Variants in SNX30 observed in about 807,000 individuals in gnomAD.
SNX30 encodes the protein sorting nexin-30.
Under a neutral mutation model 46.4 loss-of-function variants are expected in SNX30, and 24 were observed. The observed-to-expected ratio is 0.52, with a 90% CI of 0.37 to 0.73. The LOEUF (loss-of-function observed/expected upper bound fraction) is 0.73, where lower values mean the gene tolerates loss of function less well. Among genes scored for constraint, SNX30 ranks in the 30% least tolerant of loss-of-function variants. The pLI is 0.00. For missense variants in SNX30, 533 were observed against 555.7 expected (o/e 0.96, Z 0.41); for synonymous variants, 189 against 211.5 (o/e 0.89, Z 0.92).
intron 3 of SNX30, among the ~76,000 whole-genome samples, chr9:112,826,295 G>A (rs535941684): frequency 6.6e-6 from 1 of 152,298 alleles, no homozygotes; most frequent in African/African-American, 2.4e-5. Context: ...ACTGAAGGCA[G>A]TATCACAGCT....
chr9:112,805,827 T>C (rs1840216990), intron 2 of SNX30, among the ~76,000 whole-genome samples: 1 of 152,138 alleles, frequency 6.6e-6, no homozygotes. Context: ...GATGAAGAAA[T>C]AGAGGTGGAA....
chr9:112,777,481 C>T (rs968978194), intron 1 of SNX30, among the ~76,000 whole-genome samples: 15 of 151,850 alleles, frequency 9.9e-5, no homozygotes, highest in African/African-American at 2.2e-4. Flanking sequence ...GGCTGGAGTG[C>T]AGTGGTGCAG....
intron 1 of SNX30, among the ~76,000 whole-genome samples, chr9:112,775,877 AGC>A (rs887492370): frequency 1.5e-4 from 23 of 149,808 alleles, no homozygotes; most frequent in African/African-American, 5.7e-4. Context: ...GTTCCATATT[AGC>A]ACATAGAGAT....
chr9:112,838,096 T>G (rs1259508625), intron 5 of SNX30, among the ~76,000 whole-genome samples: 2 of 151,554 alleles, frequency 1.3e-5, no homozygotes, highest in Non-Finnish European at 2.9e-5. Context: ...TTTCACTGTG[T>G]TAGCAGGATG....
upstream of SNX30, among the ~76,000 whole-genome samples, chr9:112,750,646 C>T (rs1484752619): frequency 1.2e-4 from 18 of 151,796 alleles, no homozygotes; most frequent in Non-Finnish European, 7.4e-5. Context: ...CTCCCTCCGT[C>T]CTTCCTTCCC....
Position 112,758,701 on chromosome 9 carries a change from G to A in SNX30, c.156+7544G>A, listed in dbSNP as rs141529507. 1.2e-3 allele frequency among the ~76,000 whole-genome samples: 179 copies of A among 152,286 alleles called. 1 individual carries two copies. Among genetic ancestry groups the A allele is most frequent in the African/African-American group, 4.0e-3 (168 of 41,548 alleles). ...GTGAGCCACCATGCCTGGCCAAGTT[G>A]CTCTGATTTTTAAAACACAGAAAGA... On this transcript the variant is annotated intron_variant, in intron 1 of 8. Transcript: ENST00000374232.
exon 5 of SNX30, chr9:112,880,142 C>T (rs1411727427): frequency 9.8e-6 from 2 of 203,124 alleles, no homozygotes. Context: ...ACCAGCCTGG[C>T]CAACCTGGTG....
At chr9:112,765,865 G>A (rs529919981) in intron 1 of SNX30, among the ~76,000 whole-genome samples, 9 of 152,078 alleles carry the variant, frequency 5.9e-5, no homozygotes, top group Admixed American at 2.0e-4. Flanking sequence ...GTGCAGTGGC[G>A]CGATCTCAGC....
chr9:112,777,970 C>T (rs1470855396), intron 1 of SNX30, among the ~76,000 whole-genome samples: 3 of 152,024 alleles, frequency 2.0e-5, no homozygotes, highest in African/African-American at 7.3e-5. Flanking sequence ...GGTTGACTAC[C>T]CTCAAGTATG....
intron 1 of SNX30, among the ~76,000 whole-genome samples, chr9:112,779,398 A>G (rs1162215063): frequency 6.6e-6 from 1 of 152,106 alleles, no homozygotes; most frequent in African/African-American, 2.4e-5. Context: ...GTGAACACAT[A>G]GAAGAGGGTT....
chr9:112,824,268 A>G (rs1272816177), intron 3 of SNX30, among the ~76,000 whole-genome samples: 1 of 152,236 alleles, frequency 6.6e-6, no homozygotes, highest in Non-Finnish European at 1.5e-5. Flanking sequence ...AGTACTATCT[A>G]ATATCAGTAT....
chr9:112,823,456 G>A (rs1354582475), intron 3 of SNX30, among the ~76,000 whole-genome samples: 1 of 152,174 alleles, frequency 6.6e-6, no homozygotes, highest in Non-Finnish European at 1.5e-5. Flanking sequence ...TTGTTCAGTG[G>A]GTTTGACACT....
At chr9:112,832,451 AGAGAGAGAGTGTGTGT>A (rs1353100846) in intron 4 of SNX30, among the ~76,000 whole-genome samples, 4,349 of 129,918 alleles carry the variant, frequency 0.033, 245 homozygotes, top group African/African-American at 0.12. Flanking sequence ...AGAGAGAGAG[AGAGAGAGAGTGTGTGT>A]GTGTGTGTGT....
At chr9:112,819,699 G>A (rs1042249419) in intron 3 of SNX30, among the ~76,000 whole-genome samples, 1 of 152,146 alleles carries the variant, frequency 6.6e-6, no homozygotes, top group Non-Finnish European at 1.5e-5. Flanking sequence ...TGACTGTTTT[G>A]AGGAGTACTA....
chr9:112,817,662 G>A lies in SNX30; in HGVS notation c.349-43G>A, dbSNP rs369797315. On this transcript the variant is annotated intron_variant, in intron 2 of 8. Coordinates refer to ENST00000374232, the MANE Select transcript of SNX30 (RefSeq NM_001012994.2). The stretch of plus-strand genomic sequence containing the variant: ...TTTTCCTTCCCTTCAGCCAAGATAT[G>A]CTATTCCCTTATGCTTATTTTTTTC... 4.1e-4 allele frequency: 471 copies of A among 1,154,846 alleles called. 2 individuals are homozygous for A. In the African/African-American group the frequency reaches 5.7e-3, roughly 14 times the overall value. 71.5% of individuals were successfully genotyped at this position (1,154,846 alleles called of 1,614,324 possible). A position where few individuals can be genotyped will look rare whatever the true frequency, so the allele number is the denominator to read the frequency against.
intron 8 of SNX30, chr9:112,866,511 T>C (rs1379609973): frequency 6.4e-6 from 3 of 470,612 alleles, no homozygotes; most frequent in African/African-American, 6.0e-5. Context: ...AGTGATGGCC[T>C]AGGGAGAGAG....
Position 112,751,053 on chromosome 9 carries a change from C to G in SNX30, c.52C>G (p.Arg18Gly). ...GCCGTCCACGGGGCCCCACTCCCTGCGCGACATGCCGCACCCGCTGGCCGG... is the reference window on the plus strand; with the variant it reads ...GCCGTCCACGGGGCCCCACTCCCTGGGCGACATGCCGCACCCGCTGGCCGG... The part of the protein sequence containing the change: ...ALPSTGPHSL[R>G]DMPHPLAGSS... The change falls in exon 1 of 9, where the codon CGC becomes GGC. Residue 18 changes from arginine to glycine, a missense_variant. By Grantham distance (125) the Arg-to-Gly change is moderately radical. Transcript: ENST00000374232. The G allele has an allele frequency of 6.7e-7, 1 of 1,492,076 alleles. No individual in the cohort carries two copies. The highest frequency in any genetic ancestry group is 8.9e-7 in the Non-Finnish European group (1 of 1,126,980). The allele number at this position is 1,492,076 out of a possible 1,614,324, so 92.4% of individuals were successfully genotyped here.
intron 1 of SNX30, among the ~76,000 whole-genome samples, chr9:112,793,797 G>GTTTTTTTTTTTTTTT (rs200559435): frequency 4.4e-5 from 6 of 137,110 alleles, no homozygotes; most frequent in East Asian, 2.1e-4. Context: ...TACCTCCACT[G>GTTTTTTTTTTTTTTT]TTTTTTGTTT....
At chr9:112,811,428 G>C (rs1427094623) in intron 2 of SNX30, among the ~76,000 whole-genome samples, 1 of 152,168 alleles carries the variant, frequency 6.6e-6, no homozygotes, top group African/African-American at 2.4e-5. Context: ...TGTTGGGCAT[G>C]TCAGCTCTTG....
Sources: gnomAD v4.1 joint callset for allele counts (sites outside exome capture counted in the v4.1 genomes callset) on GRCh38, gnomAD v4.1.1 for gene constraint, MANE v1.5 for transcripts, NCBI Gene and HGNC (gene_info 2026-07-23, HGNC 2026-07-21) for gene names.